Variants in TEAD1 observed in about 807,000 individuals in gnomAD.
The protein encoded by TEAD1 is TEA domain transcription factor 1, also known as transcriptional enhancer factor TEF-1.
A neutral mutation model predicts 54.9 loss-of-function variants in TEAD1; 9 were observed. The ratio of observed to expected loss-of-function variants is 0.16; its 90% confidence interval spans 0.10 to 0.29. The LOEUF (loss-of-function observed/expected upper bound fraction) is 0.29, where lower values mean the gene tolerates loss of function less well. Ranked by LOEUF, TEAD1 falls within the 10% of genes least tolerant of loss-of-function variation. The probability of loss-of-function intolerance (pLI) is 1.00; values close to 1 mark genes in which losing one functional copy is unlikely to be tolerated. For missense variants in TEAD1, 387 were observed against 535.9 expected (o/e 0.72, Z 2.74); for synonymous variants, 200 against 187.8 (o/e 1.07, Z -0.53).
At chr11:12,684,060 C>T (rs890580165) in intron 2 of TEAD1, among the ~76,000 whole-genome samples, 1 of 152,144 alleles carries the variant, frequency 6.6e-6, no homozygotes, top group African/African-American at 2.4e-5. Flanking sequence ...TGCCAAGTCA[C>T]CCTGGACAGT....
At chr11:12,733,627 A>T (rs1271807545) in intron 2 of TEAD1, among the ~76,000 whole-genome samples, 36 of 152,212 alleles carry the variant, frequency 2.4e-4, no homozygotes, top group Admixed American at 2.4e-3. Flanking sequence ...GCCTGTGTGC[A>T]TGGTGGTATC....
chr11:12,879,150 C>T (rs912161586), intron 5 of TEAD1, among the ~76,000 whole-genome samples: 1 of 152,210 alleles, frequency 6.6e-6, no homozygotes, highest in East Asian at 1.9e-4. Context: ...TACCCCCAAC[C>T]CCCGCTGCTT....
chr11:12,898,926 C>T (rs752618729), intron 9 of TEAD1, among the ~76,000 whole-genome samples: 2 of 152,138 alleles, frequency 1.3e-5, no homozygotes, highest in Non-Finnish European at 2.9e-5. Flanking sequence ...TAGATTTTAC[C>T]CCCATTCACC....
At chr11:12,866,698 A>C (rs1589940279) in intron 5 of TEAD1, among the ~76,000 whole-genome samples, 1 of 152,198 alleles carries the variant, frequency 6.6e-6, no homozygotes, top group African/African-American at 2.4e-5. Context: ...CTCAGCATTT[A>C]AGCTCCAAGA....
At chr11:12,761,848 G>T (rs1378330549) in intron 2 of TEAD1, among the ~76,000 whole-genome samples, 3 of 152,190 alleles carry the variant, frequency 2.0e-5, no homozygotes, top group Non-Finnish European at 4.4e-5. Flanking sequence ...ATGAAGCGGG[G>T]TAGTACTGAG....
chr11:12,794,839 T>C (rs1300811987), intron 3 of TEAD1, among the ~76,000 whole-genome samples: 1 of 152,204 alleles, frequency 6.6e-6, no homozygotes, highest in Non-Finnish European at 1.5e-5. Flanking sequence ...GCAGCTACTT[T>C]TCCTTTAAGG....
intron 2 of TEAD1, among the ~76,000 whole-genome samples, chr11:12,755,347 A>G: frequency 6.6e-6 from 1 of 152,150 alleles, no homozygotes; most frequent in East Asian, 1.9e-4. Flanking sequence ...TAAAATACCG[A>G]GTTATAATAA....
intron 3 of TEAD1, among the ~76,000 whole-genome samples, chr11:12,796,936 C>A (rs985419239): frequency 1.3e-5 from 2 of 151,856 alleles, no homozygotes; most frequent in Admixed American, 1.3e-4. Context: ...ACGGTGAAAC[C>A]CCATCTCTAC....
At chr11:12,901,377 T>C (rs1177260817) in intron 9 of TEAD1, among the ~76,000 whole-genome samples, 1 of 152,190 alleles carries the variant, frequency 6.6e-6, no homozygotes, top group African/African-American at 2.4e-5. Context: ...GCACTGACAG[T>C]GACATATTGA....
At chr11:12,702,275 A>C (rs12099010) in intron 2 of TEAD1, among the ~76,000 whole-genome samples, 1 of 152,116 alleles carries the variant, frequency 6.6e-6, no homozygotes. Flanking sequence ...CAGGGTAAGA[A>C]TGTTGGAAAT....
chr11:12,835,523 G>A (rs1356554965), intron 3 of TEAD1, among the ~76,000 whole-genome samples: 1 of 147,762 alleles, frequency 6.8e-6, no homozygotes. Context: ...GTTTCGCAAT[G>A]TTGACCAGGC....
chr11:12,874,443 C>A (rs960722451), intron 5 of TEAD1, among the ~76,000 whole-genome samples: 8 of 152,156 alleles, frequency 5.3e-5, no homozygotes, highest in African/African-American at 1.9e-4. Context: ...AACATTGTGT[C>A]CATTTCAACC....
chr11:12,719,153 C>T (rs1944126997), intron 2 of TEAD1, among the ~76,000 whole-genome samples: 4 of 151,870 alleles, frequency 2.6e-5, no homozygotes, highest in African/African-American at 9.7e-5. Flanking sequence ...CATTCCCAAG[C>T]CCCCTCCTCC....
chr11:12,940,505 C>T lies in TEAD1; in HGVS notation c.*3283C>T, dbSNP rs1237029125. 12 of 152,190 alleles carry T rather than the reference C, an allele frequency of 7.9e-5. No homozygotes were observed. The highest frequency in any genetic ancestry group is 2.4e-4 in the African/African-American group (10 of 41,448). 9.4% of individuals were successfully genotyped at this position (152,190 alleles called of 1,614,324 possible). ...ATTTTACCCTGTGAAAGCATCTCTCCTAGAGCCTTGCAAGAGGCAGGTGAC... is the reference window on the plus strand; with the variant it reads ...ATTTTACCCTGTGAAAGCATCTCTCTTAGAGCCTTGCAAGAGGCAGGTGAC... On this transcript the variant is annotated 3_prime_UTR_variant, in exon 13 of 13. Transcript: ENST00000527636.
At chr11:12,728,227 G>A (rs1229468228) in intron 2 of TEAD1, among the ~76,000 whole-genome samples, 1 of 152,224 alleles carries the variant, frequency 6.6e-6, no homozygotes, top group South Asian at 2.1e-4. Context: ...GACAGTTGTA[G>A]CTGCCTGGAG....
At chr11:12,812,482 A>G (rs1946323695) in intron 3 of TEAD1, among the ~76,000 whole-genome samples, 1 of 152,234 alleles carries the variant, frequency 6.6e-6, no homozygotes, top group Admixed American at 6.5e-5. Flanking sequence ...CCTAATATGG[A>G]CAGCAGATCT....
At chr11:12,741,044 G>A (rs571486192) in intron 2 of TEAD1, among the ~76,000 whole-genome samples, 2 of 152,074 alleles carry the variant, frequency 1.3e-5, no homozygotes, top group Non-Finnish European at 2.9e-5. Context: ...ACAGAAAACT[G>A]CAATATCACT....
chr11:12,919,041 C>G (rs1400315016), intron 10 of TEAD1, among the ~76,000 whole-genome samples: 1 of 152,164 alleles, frequency 6.6e-6, no homozygotes, highest in Non-Finnish European at 1.5e-5. Flanking sequence ...CATCTGGGTG[C>G]TGGCTCACTT....
intron 5 of TEAD1, among the ~76,000 whole-genome samples, chr11:12,865,947 C>G (rs1947606417): frequency 6.6e-6 from 1 of 152,056 alleles, no homozygotes. Flanking sequence ...TGTAGTCTCA[C>G]AACACTTGAG....
Sources: gnomAD v4.1 joint callset for allele counts (sites outside exome capture counted in the v4.1 genomes callset) on GRCh38, gnomAD v4.1.1 for gene constraint, MANE v1.5 for transcripts, NCBI Gene and HGNC (gene_info 2026-07-23, HGNC 2026-07-21) for gene names.